MAP1B: variants seen among roughly 807,000 people sequenced by gnomAD.
MAP1B encodes the protein microtubule associated protein 1B.
A neutral mutation model predicts 176.1 loss-of-function variants in MAP1B; 12 were observed. That is an observed-to-expected ratio of 0.07 (90% CI 0.04 to 0.11). MAP1B has a LOEUF of 0.11. MAP1B is among the 10% of genes least tolerant of loss of function. MAP1B has a pLI of 1.00. For synonymous variants in MAP1B, 1,044 were observed against 1,135.0 expected (o/e 0.92, Z 1.61); for missense variants, 2,523 against 2,990.5 (o/e 0.84, Z 3.65).
At chr5:72,124,246 T>C (rs1007981812) in intron 2 of MAP1B, among the ~76,000 whole-genome samples, 30 of 152,128 alleles carry the variant, frequency 2.0e-4, no homozygotes, top group African/African-American at 7.2e-4. Flanking sequence ...GCATGTGAAG[T>C]CAGATTTCCT....
At chr5:72,179,693 C>G (rs1206004509) in intron 2 of MAP1B, 2 of 985,342 alleles carry the variant, frequency 2.0e-6, no homozygotes, top group Non-Finnish European at 2.4e-6. Flanking sequence ...ACAGTCTGGC[C>G]GTGACAAGAG....
intron 1 of MAP1B, among the ~76,000 whole-genome samples, chr5:72,108,125 C>T (rs180800572): frequency 6.6e-6 from 1 of 152,354 alleles, no homozygotes; most frequent in Admixed American, 6.5e-5. Context: ...GGACCCCCAC[C>T]ACCGCAGACC....
Position 72,205,260 on chromosome 5 carries a change from A to G in MAP1B, c.*21A>G, listed in dbSNP as rs765242089. On this transcript the variant is annotated 3_prime_UTR_variant, in exon 7 of 7. Coordinates refer to ENST00000296755, the MANE Select transcript of MAP1B (RefSeq NM_005909.5). The stretch of plus-strand genomic sequence containing the variant: ...TGTAAAAACCAAGGCCAGCCACACC[A>G]CAGGATCTGAACTTTGTTTCCAGAA... 32 of 1,593,426 alleles carry G rather than the reference A, an allele frequency of 2.0e-5. No homozygotes were observed. Among genetic ancestry groups the G allele is most frequent in the African/African-American group, 2.7e-5 (2 of 73,950 alleles).
At chr5:72,143,667 T>C (rs1745990840) in intron 2 of MAP1B, among the ~76,000 whole-genome samples, 1 of 152,188 alleles carries the variant, frequency 6.6e-6, no homozygotes, top group Non-Finnish European at 1.5e-5. Context: ...TATCATCAAC[T>C]GGGTGGCGTA....
chr5:72,113,842 T>C (rs547127994), intron 1 of MAP1B, among the ~76,000 whole-genome samples: 1 of 152,340 alleles, frequency 6.6e-6, no homozygotes, highest in African/African-American at 2.4e-5. Context: ...TAAAATATTC[T>C]AATGAATTCA....
intron 2 of MAP1B, among the ~76,000 whole-genome samples, chr5:72,170,654 G>C (rs1042253615): frequency 1.3e-5 from 2 of 151,992 alleles, no homozygotes; most frequent in Non-Finnish European, 2.9e-5. Context: ...ACCTTGTTGC[G>C]TGGTCCTCTT....
At chr5:72,128,042 G>C (rs56386192) in intron 2 of MAP1B, among the ~76,000 whole-genome samples, 1 of 152,134 alleles carries the variant, frequency 6.6e-6, no homozygotes, top group East Asian at 1.9e-4. Flanking sequence ...CCCTTAGGTA[G>C]ATACTGGCAT....
At chr5:72,160,104 T>C (rs1746299932) in intron 2 of MAP1B, among the ~76,000 whole-genome samples, 1 of 152,160 alleles carries the variant, frequency 6.6e-6, no homozygotes, top group African/African-American at 2.4e-5. Flanking sequence ...CCCCTTTTTT[T>C]GTATTTCCAT....
chr5:72,155,128 A>G (rs12655013), intron 2 of MAP1B, among the ~76,000 whole-genome samples: 16,447 of 152,210 alleles, frequency 0.11, 930 homozygotes, highest in Non-Finnish European at 0.11. Context: ...GTAACAGCAT[A>G]TATTATTTTC....
Position 72,205,168 on chromosome 5 carries a change from A to T in MAP1B, c.7336A>T (p.Met2446Leu). The T allele has an allele frequency of 6.2e-7, 1 of 1,614,008 alleles. No individual in the cohort carries two copies. The highest frequency in any genetic ancestry group is 8.5e-7 in the Non-Finnish European group (1 of 1,179,938). ...TGAGAAACAGCAAGATCTCAACATC[A>T]TGGTTTTAGCAAGCAGCAGCACAGT... Reference protein sequence around the residue: ...THEKQQDLNIMVLASSSTVVM... With the variant: ...THEKQQDLNILVLASSSTVVM... The change falls in exon 7 of 7, where the codon ATG (methionine) becomes TTG (leucine). Residue 2446 changes from methionine to leucine, a missense_variant. By Grantham distance (15) the Met-to-Leu change is conservative. Coordinates refer to ENST00000296755, the MANE Select transcript of MAP1B (RefSeq NM_005909.5).
intron 2 of MAP1B, among the ~76,000 whole-genome samples, chr5:72,131,528 C>T (rs1385596838): frequency 6.6e-6 from 1 of 152,016 alleles, no homozygotes; most frequent in Non-Finnish European, 1.5e-5. Flanking sequence ...ATAAGGATTC[C>T]ACTACTCTGC....
intron 2 of MAP1B, among the ~76,000 whole-genome samples, chr5:72,151,688 G>C (rs566971736): frequency 5.3e-5 from 8 of 152,292 alleles, no homozygotes; most frequent in South Asian, 2.1e-4. Context: ...AAGAAAAACT[G>C]TCTCTGTGAG....
At position 72,140,048 on chromosome 5, in the gene MAP1B, G is replaced by A. The variant is rs541551015; in HGVS notation, c.286+24249G>A. The stretch of plus-strand genomic sequence containing the variant: ...GCGGTCTCAGCTCACTGCAACCTCC[G>A]CCTCCAGAGGCTCAAACAGTCCTCC... On this transcript the variant is annotated intron_variant, in intron 2 of 6. Transcript: ENST00000296755. Among the ~76,000 whole-genome samples, 30 of 151,936 alleles carry A rather than the reference G, an allele frequency of 2.0e-4. 1 individual carries two copies. In the South Asian group the frequency reaches 5.6e-3, roughly 28 times the overall value.
intron 2 of MAP1B, among the ~76,000 whole-genome samples, chr5:72,155,451 G>A (rs1016708185): frequency 3.3e-5 from 5 of 152,308 alleles, no homozygotes; most frequent in Non-Finnish European, 7.4e-5. Flanking sequence ...GTTTCTGATA[G>A]TTATACTAAC....
At chr5:72,188,825 T>C (rs1746966392) in intron 4 of MAP1B, among the ~76,000 whole-genome samples, 1 of 152,188 alleles carries the variant, frequency 6.6e-6, no homozygotes, top group South Asian at 2.1e-4. Flanking sequence ...ACACATATTT[T>C]GATTATACTC....
At chr5:72,150,478 T>A (rs1746121034) in intron 2 of MAP1B, among the ~76,000 whole-genome samples, 1 of 152,234 alleles carries the variant, frequency 6.6e-6, no homozygotes, top group South Asian at 2.1e-4. Flanking sequence ...ACAGATTTTT[T>A]CCTTAAGCAC....
At chr5:72,170,686 G>A (rs1439696905) in intron 2 of MAP1B, among the ~76,000 whole-genome samples, 2 of 152,130 alleles carry the variant, frequency 1.3e-5, no homozygotes, top group Non-Finnish European at 2.9e-5. Flanking sequence ...ATAGCCAGAC[G>A]CGGTTGTTCA....
intron 1 of MAP1B, 52 bp from the exon 2 acceptor site, chr5:72,115,646 C>G: frequency 9.9e-7 from 1 of 1,008,986 alleles, no homozygotes; most frequent in Non-Finnish European, 1.6e-6. Context: ...GTCCAAACCA[C>G]TCTGAAATGA....
At position 72,186,898 on chromosome 5, in the gene MAP1B, C is replaced by CT; in HGVS notation, c.510+147dup. On this transcript the variant is annotated intron_variant, in intron 4 of 6. Coordinates refer to ENST00000296755, the MANE Select transcript of MAP1B (RefSeq NM_005909.5). The surrounding 1 kb of genome is among the most constrained non-coding windows in gnomAD (Gnocchi z 4.3). ...AAGCAAAACTGCATGATCCAAAATA[C>CT]TTTATTTCTATGGCTCATTGCCAAA... is the stretch of plus-strand genomic sequence containing the variant. 1 of 919,564 alleles carries CT rather than the reference C, an allele frequency of 1.1e-6. No individual in the cohort carries two copies. The allele number at this position is 919,564 out of a possible 1,614,324, so 57.0% of individuals were successfully genotyped here.
Sources: gnomAD v4.1 joint callset for allele counts (sites outside exome capture counted in the v4.1 genomes callset) on GRCh38, gnomAD v4.1.1 for gene constraint, Gnocchi (gnomAD v3.1) non-coding constraint, MANE v1.5 for transcripts, NCBI Gene and HGNC (gene_info 2026-07-23, HGNC 2026-07-21) for gene names.